The following VPS13B variants were observed in gnomAD, a reference collection of about 807,000 sequenced individuals.
The protein encoded by VPS13B is vacuolar protein sorting 13 homolog B, also known as intermembrane lipid transfer protein VPS13B.
VPS13B carries 285 observed loss-of-function variants against 426.4 expected under a neutral mutation model. That is an observed-to-expected ratio of 0.67 (90% CI 0.61 to 0.74). The LOEUF (loss-of-function observed/expected upper bound fraction) is 0.74, where lower values mean the gene tolerates loss of function less well. Ranked by LOEUF, VPS13B falls within the 30% of genes least tolerant of loss-of-function variation. The pLI is 0.00. For missense variants in VPS13B, 4,537 were observed against 4,782.6 expected, an observed-to-expected ratio of 0.95 and a Z score of 1.51; for synonymous variants, 1,676 against 1,676.4, an observed-to-expected ratio of 1.00 and a Z score of 0.01.
Position 99,501,682 on chromosome 8 carries a change from C to A in VPS13B, c.3871-5C>A. The A allele has an allele frequency of 6.2e-7, 1 of 1,613,304 alleles. No individual in the cohort carries two copies. Among genetic ancestry groups the A allele is most frequent in the African/African-American group, 1.3e-5 (1 of 74,870 alleles). On this transcript the variant is annotated splice_region_variant and splice_polypyrimidine_tract_variant and intron_variant, in intron 25 of 61. Coordinates refer to ENST00000357162, the MANE Select transcript of VPS13B (RefSeq NM_152564.5). ...AAGTAAGATTTTTTTTTCTCCTCAT[C>A]CCAGGGAGATTCTATACAAGCAGGT...
intron 17 of VPS13B, among the ~76,000 whole-genome samples, chr8:99,254,722 C>T (rs140087776): frequency 2.6e-5 from 4 of 152,108 alleles, no homozygotes; most frequent in African/African-American, 9.6e-5. Context: ...CAACTCACTG[C>T]AATGTCTGCC....
intron 23 of VPS13B, among the ~76,000 whole-genome samples, chr8:99,456,802 G>A (rs1203173269): frequency 4.6e-5 from 7 of 152,056 alleles, no homozygotes; most frequent in Non-Finnish European, 1.0e-4. Flanking sequence ...GTTAATGCTA[G>A]CCTCAAAGAA....
chr8:99,560,574 G>A (rs916110498), intron 31 of VPS13B, among the ~76,000 whole-genome samples: 3 of 152,286 alleles, frequency 2.0e-5, no homozygotes, highest in Non-Finnish European at 4.4e-5. Flanking sequence ...ACAAGTGATT[G>A]AATGTGCCCC....
chr8:99,333,465 A>G (rs1371381404), intron 19 of VPS13B, among the ~76,000 whole-genome samples: 1 of 151,840 alleles, frequency 6.6e-6, no homozygotes, highest in Non-Finnish European at 1.5e-5. Context: ...GGATACTGAC[A>G]TTGATACAAT....
chr8:99,599,580 C>A (rs1827188295), intron 33 of VPS13B, among the ~76,000 whole-genome samples: 3 of 152,012 alleles, frequency 2.0e-5, no homozygotes, highest in Admixed American at 1.3e-4. Flanking sequence ...TAACAAGCAA[C>A]TTCTGGGCTT....
At chr8:99,263,287 G>A (rs1289856357) in intron 17 of VPS13B, among the ~76,000 whole-genome samples, 1 of 152,084 alleles carries the variant, frequency 6.6e-6, no homozygotes, top group Non-Finnish European at 1.5e-5. Context: ...GGCCCTGAAA[G>A]CTAAATCATT....
chr8:99,015,382 A>C (rs1168428291), intron 2 of VPS13B, among the ~76,000 whole-genome samples: 1 of 151,154 alleles, frequency 6.6e-6, no homozygotes, highest in Non-Finnish European at 1.5e-5. Flanking sequence ...ACGCCTGGCT[A>C]ATTTTTTGTA....
At chr8:99,108,200 G>A (rs1388586552) in intron 5 of VPS13B, among the ~76,000 whole-genome samples, 5 of 152,168 alleles carry the variant, frequency 3.3e-5, no homozygotes, top group Admixed American at 2.6e-4. Context: ...TGGCTATGTA[G>A]TATTCGATGG....
chr8:99,838,582 T>G (rs946054252), intron 54 of VPS13B, among the ~76,000 whole-genome samples: 2 of 152,252 alleles, frequency 1.3e-5, no homozygotes, highest in African/African-American at 4.8e-5. Flanking sequence ...ACATTATAAC[T>G]TGGTACTGGC....
intron 39 of VPS13B, among the ~76,000 whole-genome samples, chr8:99,737,270 G>A (rs191754934): frequency 5.2e-4 from 78 of 151,198 alleles, no homozygotes; most frequent in Non-Finnish European, 7.7e-4. Context: ...ACAGGTGCCC[G>A]CCACCACGCC....
At chr8:99,223,111 A>G (rs1414738280) in intron 17 of VPS13B, among the ~76,000 whole-genome samples, 1 of 152,168 alleles carries the variant, frequency 6.6e-6, no homozygotes, top group Non-Finnish European at 1.5e-5. Context: ...TACAGGTGTG[A>G]GCCACTGTAC....
At chr8:99,292,333 A>G (rs1012925635) in intron 19 of VPS13B, among the ~76,000 whole-genome samples, 4 of 152,084 alleles carry the variant, frequency 2.6e-5, no homozygotes, top group Non-Finnish European at 4.4e-5. Flanking sequence ...TTACTCATTT[A>G]TAATAGCTGA....
chr8:99,867,349 G>C (rs1314377284), intron 58 of VPS13B, among the ~76,000 whole-genome samples: 1 of 152,190 alleles, frequency 6.6e-6, no homozygotes, highest in African/African-American at 2.4e-5. Context: ...TGCCTGAGGG[G>C]CTCCTTTCAT....
rs185038371 is a variant in VPS13B at position 99,114,616 on chromosome 8, T to C, written c.763-1084T>C. ...CTTTCCTGCTCACCTCCCACACTCA[T>C]TCCCCGCTTTCTTACCTCTTCATTG... On this transcript the variant is annotated intron_variant, in intron 6 of 61. Transcript: ENST00000357162. Among the ~76,000 whole-genome samples the C allele has an allele frequency of 7.5e-3, 1,138 of 152,304 alleles. 8 individuals carry two copies. The highest frequency in any genetic ancestry group is 0.017 in the Middle Eastern group (5 of 294).
At chr8:99,590,959 G>T (rs1826624828) in intron 33 of VPS13B, among the ~76,000 whole-genome samples, 1 of 152,018 alleles carries the variant, frequency 6.6e-6, no homozygotes, top group South Asian at 2.1e-4. Context: ...CATTGTTATT[G>T]TGTGGGAGTC....
At chr8:99,743,554 G>A (rs896614744) in intron 39 of VPS13B, among the ~76,000 whole-genome samples, 52 of 152,112 alleles carry the variant, frequency 3.4e-4, no homozygotes, top group Non-Finnish European at 6.0e-4. Context: ...GAGGTATCAC[G>A]CTACCTGACT....
At chr8:99,867,218 C>A (rs1563517379) in intron 58 of VPS13B, among the ~76,000 whole-genome samples, 2 of 152,128 alleles carry the variant, frequency 1.3e-5, no homozygotes, top group Non-Finnish European at 2.9e-5. Context: ...ATTTTCCCTT[C>A]TTTCTGAGAT....
chr8:99,384,541 G>C (rs984939117), intron 20 of VPS13B, among the ~76,000 whole-genome samples: 2 of 152,108 alleles, frequency 1.3e-5, no homozygotes, highest in African/African-American at 2.4e-5. Context: ...CTGTACAATG[G>C]CTTACAAAAC....
At chr8:99,750,368 C>T (rs1415036185) in intron 39 of VPS13B, among the ~76,000 whole-genome samples, 1 of 152,104 alleles carries the variant, frequency 6.6e-6, no homozygotes, top group African/African-American at 2.4e-5. Flanking sequence ...ATTACCCTTT[C>T]CTGGGCCCAT....
Sources: gnomAD v4.1 joint callset for allele counts (sites outside exome capture counted in the v4.1 genomes callset) on GRCh38, gnomAD v4.1.1 for gene constraint, MANE v1.5 for transcripts, NCBI Gene and HGNC (gene_info 2026-07-23, HGNC 2026-07-21) for gene names.